SOD2: variants seen among roughly 807,000 people sequenced by gnomAD.
The protein encoded by SOD2 is superoxide dismutase [Mn], mitochondrial.
SOD2 carries 11 observed loss-of-function variants against 27.0 expected under a neutral mutation model. The ratio of observed to expected loss-of-function variants is 0.41; its 90% CI spans 0.26 to 0.67. The LOEUF is 0.67. Ranked by LOEUF, SOD2 falls within the 30% of genes least tolerant of loss-of-function variation. The pLI is 0.34. For synonymous variants in SOD2, 105 were observed against 103.0 expected, an observed-to-expected ratio of 1.02 and a Z score of -0.12; for missense variants, 250 against 274.5, an observed-to-expected ratio of 0.91 and a Z score of 0.63.
chr6:159,756,930 C>T (rs1475122), intron 1 of SOD2, among the ~76,000 whole-genome samples: 1 of 151,818 alleles, frequency 6.6e-6, no homozygotes, highest in Admixed American at 6.6e-5. Flanking sequence ...TGAAAAGCAG[C>T]GTTGGTTTTT....
chr6:159,694,592 AATTTATT>A (rs1777381734), upstream of SOD2, among the ~76,000 whole-genome samples: 2 of 151,768 alleles, frequency 1.3e-5, no homozygotes, highest in South Asian at 4.2e-4. Context: ...TTATTTTTTT[AATTTATT>A]ATTTATTTAT....
chr6:159,709,830 C>T lies in SOD2; in HGVS notation c.-115-16967G>A, dbSNP rs141776623. ...GACACATTCACACGTATGTTTATTG[C>T]GGCACTACTCACAATAGCAAAGACC... On this transcript the variant is annotated intron_variant, in intron 1 of 2. Coordinates refer to the SOD2 transcript ENST00000401980. Among the ~76,000 whole-genome samples the T allele has an allele frequency of 3.8e-3, 583 of 152,062 alleles. 5 individuals carry two copies. The highest frequency in any genetic ancestry group is 0.013 in the African/African-American group (555 of 41,470).
intron 1 of SOD2, among the ~76,000 whole-genome samples, chr6:159,750,487 C>G (rs1250024362): frequency 1.3e-5 from 2 of 152,166 alleles, no homozygotes. Context: ...CATCCTCATT[C>G]TCTTCTCCAA....
In SOD2 at chr6:159,674,397, C is replaced by G. The variant is rs1779731700; in HGVS notation, c.*8096G>C. 2 of 152,194 alleles carry G rather than the reference C, an allele frequency of 1.3e-5. No individual in the cohort carries two copies. The highest frequency in any genetic ancestry group is 4.8e-5 in the African/African-American group (2 of 41,450). The allele number at this position is 152,194 out of a possible 1,614,324, so 9.4% of individuals were successfully genotyped here. A position where few individuals can be genotyped will look rare whatever the true frequency, so the allele number is the denominator to read the frequency against. ...GCAGCATATCAAAAAGCTTATCCAC[C>G]ATGATCAAGTGGGCTTCATCCCTGG... On this transcript the variant is annotated 3_prime_UTR_variant, in exon 5 of 5. Transcript: ENST00000538183.
At position 159,673,837 on chromosome 6, in the gene SOD2, T is replaced by G. The variant is rs1053231481; in HGVS notation, c.*8656A>C. On this transcript the variant is annotated 3_prime_UTR_variant, in exon 5 of 5. Transcript: ENST00000538183. ...GGTTTTTTGAAAAGATAAACACAAT[T>G]GATAGACCGCTAGCAAGACTAATAA... is the stretch of plus-strand genomic sequence containing the variant. 6.6e-6 allele frequency: 1 copy of G among 151,718 alleles called. No homozygotes were observed. The highest frequency in any genetic ancestry group is 2.4e-5 in the African/African-American group (1 of 41,280). 9.4% of individuals were successfully genotyped at this position (151,718 alleles called of 1,614,324 possible).
At chr6:159,734,646 TAAG>T (rs751000635) in intron 1 of SOD2, among the ~76,000 whole-genome samples, 17 of 152,110 alleles carry the variant, frequency 1.1e-4, no homozygotes, top group Non-Finnish European at 2.1e-4. Flanking sequence ...CCCCATCTCT[TAAG>T]AAAGAAAGAA....
At chr6:159,692,496 G>A in intron 2 of SOD2, 165 bp downstream of exon 2, 3 of 1,454,962 alleles carry the variant, frequency 2.1e-6, no homozygotes, top group South Asian at 2.9e-5. Flanking sequence ...TCTACAATGA[G>A]GTAGACCATG....
rs1779005500 is a variant in SOD2 at position 159,737,698 on chromosome 6, C to T, written c.-116+7432G>A. On this transcript the variant is annotated intron_variant, in intron 1 of 3. Transcript: ENST00000537657. ...GTAGAGATGGGGTTTTGCCATGTTACCCAGGCTGATCTTGAACTCCCGAGT... is the reference window on the plus strand; with the variant it reads ...GTAGAGATGGGGTTTTGCCATGTTATCCAGGCTGATCTTGAACTCCCGAGT... 3.9e-5 allele frequency among the ~76,000 whole-genome samples: 6 copies of T among 152,148 alleles called. No homozygotes were observed. In the South Asian group the frequency reaches 1.2e-3, roughly 32 times the overall value.
intron 1 of SOD2, chr6:159,736,547 T>C (rs1778929344): frequency 2.9e-6 from 1 of 342,688 alleles, no homozygotes; most frequent in Non-Finnish European, 5.3e-6. Context: ...TGGTCTACTC[T>C]TAATGTTCAT....
intron 1 of SOD2, chr6:159,741,929 G>T: frequency 1.8e-6 from 1 of 555,790 alleles, no homozygotes; most frequent in Non-Finnish European, 3.2e-6. Flanking sequence ...TCCAGCCTGG[G>T]GGACAGAGCG....
At chr6:159,745,799 G>A (rs149140155), upstream of SOD2, among the ~76,000 whole-genome samples, 1,618 of 152,246 alleles carry the variant, frequency 0.011, 17 homozygotes, top group Middle Eastern at 0.075. Flanking sequence ...CAATTGTGAG[G>A]CTGTTAAAAT....
chr6:159,722,047 T>C (rs1351622895), intron 1 of SOD2, among the ~76,000 whole-genome samples: 1 of 151,220 alleles, frequency 6.6e-6, no homozygotes, highest in Non-Finnish European at 1.5e-5. Flanking sequence ...ATCAACTGGG[T>C]ATAAACCACA....
At chr6:159,738,916 G>A (rs1168900555) in intron 1 of SOD2, 24 of 1,099,688 alleles carry the variant, frequency 2.2e-5, no homozygotes, top group Non-Finnish European at 3.2e-5. Flanking sequence ...CTTGGGAGAT[G>A]TTTCATAGGT....
In SOD2 at chr6:159,681,146, G is replaced by A. The variant is rs960718236; in HGVS notation, c.*1347C>T. 3 of 148,350 alleles carry A rather than the reference G, an allele frequency of 2.0e-5. No homozygotes were observed. Among genetic ancestry groups the A allele is most frequent in the East Asian group, 1.9e-4 (1 of 5,178 alleles). The allele number at this position is 148,350 out of a possible 1,614,324, so 9.2% of individuals were successfully genotyped here. ...ATATACAAAAAGATCCCTGTGAGAC[G>A]GAGCAGGGACCCCTCTTTGGGGTGT... On this transcript the variant is annotated 3_prime_UTR_variant, in exon 5 of 5. Coordinates refer to ENST00000538183, the MANE Select transcript of SOD2 (RefSeq NM_000636.4).
chr6:159,675,234 T>C lies in SOD2; in HGVS notation c.*7259A>G, dbSNP rs1398417832. ...GCTACCCATGACTTTCTTCATAGAA[T>C]TGGAAAAAACTACTTTAAAGTTCAT... On this transcript the variant is annotated 3_prime_UTR_variant, in exon 5 of 5. Transcript: ENST00000538183. 5 of 152,154 alleles carry C rather than the reference T, an allele frequency of 3.3e-5. No homozygotes were observed. The East Asian group carries it at 5.8e-4, about 18-fold the overall frequency. The allele number at this position is 152,154 out of a possible 1,614,324, so 9.4% of individuals were successfully genotyped here.
intron 2 of SOD2, chr6:159,691,888 G>C (rs1777216689): frequency 6.6e-6 from 1 of 152,242 alleles, no homozygotes; most frequent in Non-Finnish European, 1.5e-5. Context: ...TAAAGATCCT[G>C]AACTGTTCCA....
Position 159,725,741 on chromosome 6 carries a change from C to G in SOD2, c.-116+1388G>C, listed in dbSNP as rs1427912377. On this transcript the variant is annotated intron_variant, in intron 1 of 2. Coordinates refer to the SOD2 transcript ENST00000401980. Reference sequence around the variant, plus strand: ...ATTCCTCCCCGAAAATAAGCATATACACATAAATATTCATATTAAATATAA... The same window carrying G: ...ATTCCTCCCCGAAAATAAGCATATAGACATAAATATTCATATTAAATATAA... The G allele has an allele frequency of 2.0e-5, 3 of 151,636 alleles. No homozygotes were observed. The East Asian group carries it at 5.8e-4, about 29-fold the overall frequency. The allele number at this position is 151,636 out of a possible 1,614,324, so 9.4% of individuals were successfully genotyped here.
intron 3 of SOD2, among the ~76,000 whole-genome samples, chr6:159,685,532 G>A (rs1697379410): frequency 6.6e-6 from 1 of 152,036 alleles, no homozygotes; most frequent in African/African-American, 2.4e-5. Context: ...GTGAGCCACC[G>A]TGCCCGGTTC....
exon 1 of SOD2, chr6:159,761,873 G>GCGCCCCGCGCCCCGGCCTCACTTC (rs1780137599): frequency 4.9e-5 from 7 of 142,206 alleles, no homozygotes; most frequent in East Asian, 2.6e-4. Context: ...CTTCCGCCCC[G>GCGCCCCGCGCCCCGGCCTCACTTC]CGCCCCGCGC....
Sources: gnomAD v4.1 joint callset for allele counts (sites outside exome capture counted in the v4.1 genomes callset) on GRCh38, gnomAD v4.1.1 for gene constraint, MANE v1.5 for transcripts, NCBI Gene and HGNC (gene_info 2026-07-23, HGNC 2026-07-21) for gene names.